GATAD1: variants seen among roughly 807,000 people sequenced by gnomAD.
GATAD1 encodes the protein GATA zinc finger domain containing 1, also known as GATA zinc finger domain-containing protein 1.
Under a neutral mutation model 26.5 loss-of-function variants are expected in GATAD1, and 12 were observed. The ratio of observed to expected loss-of-function variants is 0.45; its 90% CI spans 0.29 to 0.73. The LOEUF (loss-of-function observed/expected upper bound fraction) is 0.73. GATAD1 is among the 30% of genes least tolerant of loss of function. GATAD1 has a pLI of 0.10. For missense variants in GATAD1, 266 were observed against 342.1 expected, an observed-to-expected ratio of 0.78 and a Z score of 1.75; for synonymous variants, 129 against 133.1, an observed-to-expected ratio of 0.97 and a Z score of 0.21.
the GATAD1 span, chr7:92,494,494 G>A: frequency 6.2e-7 from 1 of 1,613,552 alleles, no homozygotes; most frequent in Admixed American, 1.7e-5. Flanking sequence ...TACCCTGTAA[G>A]CCTTCTACTC....
At chr7:92,481,436 T>C in the GATAD1 span, among the ~76,000 whole-genome samples, 1 of 152,090 alleles carries the variant, frequency 6.6e-6, no homozygotes, top group South Asian at 2.1e-4. Flanking sequence ...GAGAGTGAGT[T>C]GAGCATAGTT....
At chr7:92,463,328 CT>C (rs985261324), downstream of GATAD1, among the ~76,000 whole-genome samples, 2 of 151,968 alleles carry the variant, frequency 1.3e-5, no homozygotes, top group African/African-American at 4.8e-5. Context: ...GATGAATGTA[CT>C]TAATGACACT....
At position 92,447,808 on chromosome 7, in the gene GATAD1, G is replaced by A. The variant is rs974082341; in HGVS notation, c.79G>A (p.Glu27Lys). ...CATGTGGAAGAAGGGAGCGCAGGGG[G>A]AGATCCTCTGCCATCATTGCACTGG... ...SSMWKKGAQGEILCHHCTGRG... is the reference protein window; with the variant it reads ...SSMWKKGAQGKILCHHCTGRG... The change falls in exon 1 of 5, where the codon GAG (glutamate) becomes AAG (lysine). Residue 27 changes from glutamate (E) to lysine (K), a missense_variant. Physicochemically the swap from Glu to Lys is moderately conservative, Grantham distance 56. Coordinates refer to ENST00000287957, the MANE Select transcript of GATAD1 (RefSeq NM_021167.5). 3.4e-6 allele frequency: 5 copies of A among 1,491,234 alleles called. No individual in the cohort carries two copies. The African/African-American group carries it at 4.4e-5, about 13-fold the overall frequency. The allele number at this position is 1,491,234 out of a possible 1,614,324, so 92.4% of individuals were successfully genotyped here.
Position 92,450,754 on chromosome 7 carries a change from C to A in GATAD1, c.429C>A (p.Phe143Leu). ...CTATAATCACTGCAGAATCAATCTT[C>A]TACAAGGTAAGCTTTTGTAGAGTTA... ...VSTIITAESI[F>L]YKGVYYQIGD... Residue 143 changes from phenylalanine (F) to leucine (L), a missense_variant, in exon 3 of 5, where the codon TTC (phenylalanine) becomes TTA (leucine). Phe to Leu is a conservative substitution (Grantham distance 22, BLOSUM62 0). Transcript: ENST00000287957. 2 of 1,602,106 alleles carry A rather than the reference C, an allele frequency of 1.2e-6. No individual in the cohort carries two copies. The highest frequency in any genetic ancestry group is 1.7e-6 in the Non-Finnish European group (2 of 1,169,136).
chr7:92,465,803 C>T, the GATAD1 span, among the ~76,000 whole-genome samples: 1 of 152,120 alleles, frequency 6.6e-6, no homozygotes, highest in Non-Finnish European at 1.5e-5. Flanking sequence ...GAGTTCAAGA[C>T]TAGCCTGGTC....
chr7:92,469,164 A>G, the GATAD1 span: 31,325 of 708,748 alleles, frequency 0.044, 2,119 homozygotes, highest in East Asian at 0.28. Flanking sequence ...GATTAACATA[A>G]TAACAGCATT....
chr7:92,492,764 C>T, the GATAD1 span, among the ~76,000 whole-genome samples: 37 of 152,274 alleles, frequency 2.4e-4, no homozygotes, highest in African/African-American at 8.2e-4. Context: ...AGACATCAAA[C>T]TTCATAATTA....
the GATAD1 span, chr7:92,472,554 G>C: frequency 3.2e-4 from 49 of 152,326 alleles, no homozygotes; most frequent in African/African-American, 1.2e-3. Flanking sequence ...TAACACTGGG[G>C]CTTGGGTTAG....
chr7:92,456,669 T>G lies in GATAD1; in HGVS notation c.*107T>G. ...GCTGGGCAATGGAGTCAGATTCTCT[T>G]TCTTAAAAAACCACAAAAAAACTGG... On this transcript the variant is annotated 3_prime_UTR_variant, in exon 5 of 5. Transcript: ENST00000287957. 2 of 635,252 alleles carry G rather than the reference T, an allele frequency of 3.1e-6. No homozygotes were observed. The highest frequency in any genetic ancestry group is 5.3e-5 in the South Asian group (2 of 37,610). 39.4% of individuals were successfully genotyped at this position (635,252 alleles called of 1,614,324 possible).
intron 3 of GATAD1, among the ~76,000 whole-genome samples, chr7:92,452,001 A>G (rs1789455267): frequency 6.6e-6 from 1 of 152,246 alleles, no homozygotes. Context: ...CTAATGTCTC[A>G]TCTGTAAAAT....
chr7:92,479,370 G>C, the GATAD1 span, among the ~76,000 whole-genome samples: 2 of 152,178 alleles, frequency 1.3e-5, no homozygotes, highest in African/African-American at 4.8e-5. Flanking sequence ...GTCACAAGGT[G>C]CTCAGTGGGG....
the GATAD1 span, chr7:92,471,214 G>A: frequency 4.8e-5 from 8 of 167,072 alleles, no homozygotes; most frequent in African/African-American, 1.9e-4. Flanking sequence ...AATCCCTGAG[G>A]TTTGGGCTTG....
the GATAD1 span, among the ~76,000 whole-genome samples, chr7:92,491,978 A>C: frequency 1.1e-4 from 17 of 152,328 alleles, no homozygotes; most frequent in Admixed American, 3.3e-4. Context: ...TAGACATTCC[A>C]AACAAATGTG....
chr7:92,482,491 A>G, the GATAD1 span, among the ~76,000 whole-genome samples: 1 of 152,178 alleles, frequency 6.6e-6, no homozygotes, highest in African/African-American at 2.4e-5. Flanking sequence ...GCAAGTGATA[A>G]CAGGCTTCAA....
chr7:92,451,595 G>A (rs1789433095), intron 3 of GATAD1, among the ~76,000 whole-genome samples: 1 of 152,172 alleles, frequency 6.6e-6, no homozygotes, highest in African/African-American at 2.4e-5. Flanking sequence ...GTCGAAGTCT[G>A]TTCCTCCCAA....
the GATAD1 span, among the ~76,000 whole-genome samples, chr7:92,467,368 A>T: frequency 1.3e-5 from 2 of 152,360 alleles, no homozygotes; most frequent in African/African-American, 4.8e-5. Context: ...GAGAAAGCAC[A>T]TACAAGTTTT....
chr7:92,486,392 A>G, the GATAD1 span, among the ~76,000 whole-genome samples: 1 of 152,230 alleles, frequency 6.6e-6, no homozygotes, highest in Non-Finnish European at 1.5e-5. Context: ...TTGTTAGGCT[A>G]TCCCATAGAC....
chr7:92,494,512 C>T, the GATAD1 span: 2,151 of 1,613,966 alleles, frequency 1.3e-3, 27 homozygotes, highest in African/African-American at 0.026. Context: ...CTCCATCCAA[C>T]TGAGTCAGCA....
At chr7:92,493,695 A>G in the GATAD1 span, 22 of 154,040 alleles carry the variant, frequency 1.4e-4, no homozygotes, top group African/African-American at 5.3e-4. Flanking sequence ...TCTTATTCAC[A>G]CAGTGCTTAT....
Sources: gnomAD v4.1 joint callset for allele counts (sites outside exome capture counted in the v4.1 genomes callset) on GRCh38, gnomAD v4.1.1 for gene constraint, MANE v1.5 for transcripts, NCBI Gene and HGNC (gene_info 2026-07-23, HGNC 2026-07-21) for gene names.